The following ANKH variants were observed in gnomAD, a reference collection of about 807,000 sequenced individuals.
ANKH encodes mineralization regulator ANKH.
In ANKH, 15 loss-of-function variants were observed where a neutral mutation model predicts 49.0. That is an observed-to-expected ratio of 0.31 (90% CI 0.20 to 0.47). ANKH has a LOEUF of 0.47. Among genes scored for constraint, ANKH ranks in the 20% least tolerant of loss-of-function variants. The pLI, the probability that ANKH is intolerant of heterozygous loss-of-function variation, is 1.00. For missense variants in ANKH, 429 were observed against 652.0 expected (o/e 0.66, Z 3.72); for synonymous variants, 273 against 260.0 (o/e 1.05, Z -0.48).
chr5:14,837,508 C>A (rs1195764531), intron 1 of ANKH, among the ~76,000 whole-genome samples: 1 of 152,172 alleles, frequency 6.6e-6, no homozygotes, highest in Non-Finnish European at 1.5e-5. Context: ...ATACAGCCAA[C>A]AGACACATGA....
chr5:14,771,468 G>A (rs1306338336), intron 1 of ANKH, among the ~76,000 whole-genome samples: 1 of 152,168 alleles, frequency 6.6e-6, no homozygotes, highest in Non-Finnish European at 1.5e-5. Context: ...GCCACCGCTG[G>A]ACTTCCCTGT....
chr5:14,841,080 C>T (rs553270661), intron 1 of ANKH, among the ~76,000 whole-genome samples: 1 of 152,036 alleles, frequency 6.6e-6, no homozygotes, highest in South Asian at 2.1e-4. Context: ...CTAATTGTCA[C>T]TACTGAGAGG....
intron 1 of ANKH, among the ~76,000 whole-genome samples, chr5:14,814,597 C>T (rs995281663): frequency 6.6e-6 from 1 of 152,196 alleles, no homozygotes; most frequent in Admixed American, 6.5e-5. Context: ...TGCAGTGAGA[C>T]CTTGTCTCAA....
intron 8 of ANKH, among the ~76,000 whole-genome samples, chr5:14,739,500 G>A (rs1738288435): frequency 6.6e-6 from 1 of 152,136 alleles, no homozygotes; most frequent in Non-Finnish European, 1.5e-5. Context: ...CAAGATGTTG[G>A]ATCAATTGAT....
intron 1 of ANKH, among the ~76,000 whole-genome samples, chr5:14,787,332 A>G (rs1212810705): frequency 6.6e-6 from 1 of 152,176 alleles, no homozygotes. Context: ...AAAAAAAGAA[A>G]GAGGCCCAAG....
At chr5:14,729,242 G>A (rs1296602167) in intron 8 of ANKH, among the ~76,000 whole-genome samples, 2 of 151,848 alleles carry the variant, frequency 1.3e-5, no homozygotes, top group Non-Finnish European at 1.5e-5. Context: ...TAGTAGAGAC[G>A]GGGTTTCTCC....
At chr5:14,839,912 C>T (rs1024745908) in intron 1 of ANKH, among the ~76,000 whole-genome samples, 5 of 152,334 alleles carry the variant, frequency 3.3e-5, no homozygotes, top group Non-Finnish European at 7.3e-5. Flanking sequence ...ATCTCACCAA[C>T]AGCAGCTCAA....
intron 1 of ANKH, among the ~76,000 whole-genome samples, chr5:14,847,659 G>C (rs902965202): frequency 6.6e-6 from 1 of 152,144 alleles, no homozygotes; most frequent in Non-Finnish European, 1.5e-5. Context: ...AAAGCATATG[G>C]ATTGGCACAG....
intron 4 of ANKH, among the ~76,000 whole-genome samples, chr5:14,752,576 G>A (rs1268169181): frequency 1.3e-5 from 2 of 152,162 alleles, no homozygotes; most frequent in African/African-American, 2.4e-5. Context: ...TCATTCCAAA[G>A]ACCTCAGAAG....
At chr5:14,866,168 C>T (rs1015075542) in intron 1 of ANKH, among the ~76,000 whole-genome samples, 2 of 152,218 alleles carry the variant, frequency 1.3e-5, no homozygotes, top group Admixed American at 1.3e-4. Context: ...CATCATGCCC[C>T]GCTAATTTTG....
intron 1 of ANKH, among the ~76,000 whole-genome samples, chr5:14,846,068 G>A (rs942361105): frequency 3.3e-5 from 5 of 151,852 alleles, no homozygotes; most frequent in African/African-American, 1.2e-4. Context: ...TGTTGGCCAG[G>A]CTGGTCTCGA....
Position 14,718,072 on chromosome 5 carries a change from G to C in ANKH, c.1012-1237C>G, listed in dbSNP as rs113851157. ...AGGTAGGTGACTGGAAATGGTCTCTGAGGAATCTGACCAGCCCAAGAGAAA... is the reference window on the plus strand; with the variant it reads ...AGGTAGGTGACTGGAAATGGTCTCTCAGGAATCTGACCAGCCCAAGAGAAA... On this transcript the variant is annotated intron_variant, in intron 8 of 11. Transcript: ENST00000284268. Among the ~76,000 whole-genome samples, 17 of 152,276 alleles carry C rather than the reference G, an allele frequency of 1.1e-4. 1 individual carries two copies. The highest frequency in any genetic ancestry group is 4.2e-4 in the South Asian group (2 of 4,816).
rs564559138 is a variant in ANKH at position 14,774,939 on chromosome 5, G to A, written c.97-5748C>T. On this transcript the variant is annotated intron_variant, in intron 1 of 11. Coordinates refer to ENST00000284268, the MANE Select transcript of ANKH (RefSeq NM_054027.6). ...ACTGAAGACAAAAAAAAAATACATA[G>A]GTGCCCCTTATTCACAGAAAGTATG... is the stretch of plus-strand genomic sequence containing the variant. Among the ~76,000 whole-genome samples, 3 of 152,084 alleles carry A rather than the reference G, an allele frequency of 2.0e-5. No individual in the cohort carries two copies. The South Asian group carries it at 6.2e-4, about 32-fold the overall frequency.
chr5:14,860,457 C>T (rs938831630), intron 1 of ANKH, among the ~76,000 whole-genome samples: 2 of 152,210 alleles, frequency 1.3e-5, no homozygotes, highest in Non-Finnish European at 1.5e-5. Context: ...GAGGCCTCAG[C>T]GTCCCAGCCA....
At position 14,713,092 on chromosome 5, in the gene ANKH, C is replaced by T. The variant is rs1329921476; in HGVS notation, c.1266-119G>A. ...AGACGGCTGAGACCAGCGGCGTTCT[C>T]CATCTGCTGGCTTCGTAAGGGCCGC... On this transcript the variant is annotated intron_variant, in intron 10 of 11. Coordinates refer to ENST00000284268, the MANE Select transcript of ANKH (RefSeq NM_054027.6). This position sits in a 1 kb window ranked among gnomAD's most constrained non-coding sequence, Gnocchi z 4.4. 11 of 1,001,112 alleles carry T rather than the reference C, an allele frequency of 1.1e-5. No individual in the cohort carries two copies. The highest frequency in any genetic ancestry group is 1.7e-5 in the Non-Finnish European group (11 of 657,274). The allele number at this position is 1,001,112 out of a possible 1,614,324, so 62.0% of individuals were successfully genotyped here.
chr5:14,759,283 A>T (rs2126496321), intron 2 of ANKH, among the ~76,000 whole-genome samples: 1 of 152,364 alleles, frequency 6.6e-6, no homozygotes, highest in East Asian at 1.9e-4. Context: ...TGACTGGAAC[A>T]TAGGCACTCA....
chr5:14,817,987 C>G (rs4702055), intron 1 of ANKH, among the ~76,000 whole-genome samples: 14,009 of 142,920 alleles, frequency 0.098, 817 homozygotes, highest in Admixed American at 0.14. Context: ...CTGCTTGAAC[C>G]GGGGAGGTGG....
At chr5:14,712,706 AC>A (rs1207286236) in intron 11 of ANKH, among the ~76,000 whole-genome samples, 167 bp downstream of exon 11, 1 of 151,318 alleles carries the variant, frequency 6.6e-6, no homozygotes, top group Non-Finnish European at 1.5e-5. Flanking sequence ...CTTTTTTCTT[AC>A]CCCACTCCCA....
intron 1 of ANKH, among the ~76,000 whole-genome samples, chr5:14,845,567 G>A (rs968905298): frequency 3.9e-5 from 6 of 152,122 alleles, no homozygotes; most frequent in Non-Finnish European, 7.3e-5. Context: ...TGGGTTGACA[G>A]GGACTTGAGA....
Sources: allele counts gnomAD v4.1 joint callset (sites outside exome capture counted in the v4.1 genomes callset), GRCh38; gene constraint gnomAD v4.1.1; non-coding constraint Gnocchi (gnomAD v3.1); transcripts MANE v1.5; gene names NCBI Gene and HGNC (gene_info 2026-07-23, HGNC 2026-07-21).